GRIA1: variants seen among roughly 807,000 people sequenced by gnomAD.
The protein encoded by GRIA1 is glutamate receptor 1.
GRIA1 carries 31 observed loss-of-function variants against 99.2 expected under a neutral mutation model. The observed-to-expected ratio is 0.31, with a 90% CI of 0.23 to 0.42. The LOEUF is 0.42. Ranked by LOEUF, GRIA1 falls within the 10% of genes least tolerant of loss-of-function variation. The pLI is 1.00. For synonymous variants in GRIA1, 438 were observed against 432.4 expected, an observed-to-expected ratio of 1.01 and a Z score of -0.16; for missense variants, 782 against 1,157.5, an observed-to-expected ratio of 0.68 and a Z score of 4.71.
At chr5:153,676,273 A>G (rs1756580003) in intron 6 of GRIA1, among the ~76,000 whole-genome samples, 1 of 152,226 alleles carries the variant, frequency 6.6e-6, no homozygotes, top group Non-Finnish European at 1.5e-5. Flanking sequence ...AGGCAACATA[A>G]TAAGTATTAG....
chr5:153,599,959 C>T (rs1216284563), intron 2 of GRIA1, among the ~76,000 whole-genome samples: 1 of 152,038 alleles, frequency 6.6e-6, no homozygotes, highest in African/African-American at 2.4e-5. Context: ...AGAAGGCTGT[C>T]GGCTTGACTA....
intron 2 of GRIA1, among the ~76,000 whole-genome samples, chr5:153,643,000 A>C (rs958572264): frequency 2.0e-4 from 31 of 152,106 alleles, no homozygotes; most frequent in African/African-American, 7.5e-4. Context: ...CTGAGGCACA[A>C]CTCCTGCAGA....
chr5:153,672,306 C>T (rs907369410), intron 5 of GRIA1, among the ~76,000 whole-genome samples: 4 of 152,136 alleles, frequency 2.6e-5, no homozygotes, highest in African/African-American at 9.7e-5. Flanking sequence ...TGCAGGTAGG[C>T]GGAGTAGCCA....
In GRIA1 at chr5:153,705,967, G is replaced by A. The variant is rs759869972; in HGVS notation, c.1723G>A (p.Asp575Asn). ...WHSEEFEEGR[D>N]QTTSDQSNEF... is the part of the protein sequence containing the mutation. ...CAGTGAAGAGTTTGAGGAAGGACGG[G>A]ACCAGACAACCAGTGACCAGTCCAA... is the stretch of plus-strand genomic sequence containing the variant. Residue 575 changes from aspartate to asparagine, a missense_variant, in exon 11 of 16, where the codon GAC (aspartate) becomes AAC (asparagine). Asp to Asn is a conservative substitution (Grantham distance 23). Around this residue, in one of 5 missense-constraint regions of GRIA1, gnomAD observed 39 missense variants for 43.5 expected, o/e 0.90. Coordinates refer to ENST00000285900, the MANE Select transcript of GRIA1 (RefSeq NM_000827.4). The A allele has an allele frequency of 6.2e-7, 1 of 1,614,008 alleles. No homozygotes were observed. Among genetic ancestry groups the A allele is most frequent in the Non-Finnish European group, 8.5e-7 (1 of 1,180,004 alleles).
intron 13 of GRIA1, among the ~76,000 whole-genome samples, chr5:153,792,338 G>A (rs1436770442): frequency 6.6e-6 from 1 of 152,152 alleles, no homozygotes; most frequent in African/African-American, 2.4e-5. Flanking sequence ...TTGCCTGAGT[G>A]GAACAGTGAG....
chr5:153,755,024 C>A (rs1762736037), intron 11 of GRIA1, among the ~76,000 whole-genome samples: 1 of 151,972 alleles, frequency 6.6e-6, no homozygotes, highest in Admixed American at 6.6e-5. Flanking sequence ...ATGCATTGAT[C>A]AGGGGAAAGA....
At chr5:153,533,364 A>G (rs1255706410) in intron 2 of GRIA1, among the ~76,000 whole-genome samples, 1 of 151,766 alleles carries the variant, frequency 6.6e-6, no homozygotes, top group Non-Finnish European at 1.5e-5. Flanking sequence ...CAAGTGTATC[A>G]TCTAGGATGG....
At chr5:153,685,768 G>A (rs1326177179) in intron 7 of GRIA1, among the ~76,000 whole-genome samples, 1 of 152,182 alleles carries the variant, frequency 6.6e-6, no homozygotes, top group African/African-American at 2.4e-5. Flanking sequence ...TCCAAGCATA[G>A]CTTAAGGCTT....
At chr5:153,730,816 AC>A (rs1463758781) in intron 11 of GRIA1, among the ~76,000 whole-genome samples, 1 of 152,008 alleles carries the variant, frequency 6.6e-6, no homozygotes, top group Non-Finnish European at 1.5e-5. Context: ...AACTGATGAA[AC>A]CCACCTGTAT....
chr5:153,749,747 G>A (rs1762390204), intron 11 of GRIA1, among the ~76,000 whole-genome samples: 1 of 151,852 alleles, frequency 6.6e-6, no homozygotes, highest in African/African-American at 2.4e-5. Flanking sequence ...ATATCAGAGA[G>A]TGAACCAAAG....
chr5:153,674,890 A>G (rs1756455583), intron 6 of GRIA1, among the ~76,000 whole-genome samples: 1 of 152,214 alleles, frequency 6.6e-6, no homozygotes, highest in African/African-American at 2.4e-5. Context: ...AACAAAACTT[A>G]GGAGTCAGCA....
intron 14 of GRIA1, among the ~76,000 whole-genome samples, chr5:153,796,965 G>C (rs1035877117): frequency 1.3e-5 from 2 of 152,166 alleles, no homozygotes; most frequent in Non-Finnish European, 2.9e-5. Flanking sequence ...CACAGGTAAA[G>C]AGCATTGGCC....
intron 2 of GRIA1, 134 bp from the exon 3 acceptor site, chr5:153,646,794 T>C: frequency 1.1e-6 from 1 of 909,138 alleles, no homozygotes; most frequent in Non-Finnish European, 1.7e-6. Flanking sequence ...GTTTGTTGGA[T>C]GGGTAGATGG....
upstream of GRIA1, chr5:153,489,900 T>A: frequency 4.4e-6 from 2 of 452,266 alleles, no homozygotes; most frequent in South Asian, 3.2e-5. Flanking sequence ...TCCTGTGGAA[T>A]GCAGGGAAAG....
intron 5 of GRIA1, among the ~76,000 whole-genome samples, chr5:153,657,916 T>C (rs146991356): frequency 1.3e-5 from 2 of 152,286 alleles, no homozygotes; most frequent in African/African-American, 4.8e-5. Flanking sequence ...CCAAAGACCA[T>C]TTGCAAAAAT....
intron 2 of GRIA1, among the ~76,000 whole-genome samples, chr5:153,573,927 T>A (rs145849683): frequency 3.1e-3 from 479 of 152,088 alleles, no homozygotes; most frequent in Non-Finnish European, 5.2e-3. Context: ...ATAAGCTGGG[T>A]GATTAGGGGA....
chr5:153,776,937 T>C (rs1340876765), intron 13 of GRIA1, among the ~76,000 whole-genome samples: 1 of 152,200 alleles, frequency 6.6e-6, no homozygotes, highest in African/African-American at 2.4e-5. Context: ...ACCTGAGTGC[T>C]ACAGAAGGCC....
intron 11 of GRIA1, among the ~76,000 whole-genome samples, chr5:153,723,596 C>A (rs10071192): frequency 3.9e-5 from 6 of 152,114 alleles, no homozygotes; most frequent in South Asian, 2.1e-4. Flanking sequence ...ATTATATCCC[C>A]CACCTGGCTC....
intron 11 of GRIA1, among the ~76,000 whole-genome samples, chr5:153,763,603 T>C (rs536192902): frequency 3.3e-5 from 5 of 152,182 alleles, no homozygotes; most frequent in Non-Finnish European, 5.9e-5. Flanking sequence ...ACAAGTCACA[T>C]GCAAATCATC....
Sources: gnomAD v4.1 joint callset for allele counts (sites outside exome capture counted in the v4.1 genomes callset) on GRCh38, gnomAD v4.1.1 for gene constraint, gnomAD v4.1.1 regional missense constraint, MANE v1.5 for transcripts, NCBI Gene and HGNC (gene_info 2026-07-23, HGNC 2026-07-21) for gene names.